CDH23: variants seen among roughly 807,000 people sequenced by gnomAD.
The protein encoded by CDH23 is cadherin related 23, also known as cadherin-23.
Under a neutral mutation model 317.1 loss-of-function variants are expected in CDH23, and 189 were observed. The observed-to-expected ratio is 0.60, with a 90% confidence interval of 0.53 to 0.67. The LOEUF (loss-of-function observed/expected upper bound fraction) is 0.67, where lower values mean the gene tolerates loss of function less well. Among genes scored for constraint, CDH23 ranks in the 30% least tolerant of loss-of-function variants. The pLI is 0.00. For synonymous variants in CDH23, 1,839 were observed against 1,876.8 expected, an observed-to-expected ratio of 0.98 and a Z score of 0.52; for missense variants, 4,401 against 4,592.4, an observed-to-expected ratio of 0.96 and a Z score of 1.20.
intron 3 of CDH23, among the ~76,000 whole-genome samples, chr10:71,453,496 C>T (rs763458481): frequency 3.3e-5 from 5 of 152,220 alleles, no homozygotes; most frequent in Non-Finnish European, 7.3e-5. Context: ...TCAGGAGTGA[C>T]GAGCATAGAT....
chr10:71,470,685 G>C (rs997221989), intron 3 of CDH23, among the ~76,000 whole-genome samples: 1 of 151,974 alleles, frequency 6.6e-6, no homozygotes, highest in African/African-American at 2.4e-5. Flanking sequence ...GATGGGTGGG[G>C]TCTTGCTGTG....
intron 1 of CDH23, among the ~76,000 whole-genome samples, chr10:71,432,070 A>C (rs1334300351): frequency 6.6e-6 from 1 of 152,194 alleles, no homozygotes; most frequent in Admixed American, 6.5e-5. Flanking sequence ...GAGCTTTGCA[A>C]GGAACCTGGC....
At chr10:71,559,483 G>T (rs1486984887) in intron 6 of CDH23, among the ~76,000 whole-genome samples, 1 of 152,234 alleles carries the variant, frequency 6.6e-6, no homozygotes, top group East Asian at 1.9e-4. Flanking sequence ...AGCTGGGAAA[G>T]AGGGGGAGGT....
intron 6 of CDH23, among the ~76,000 whole-genome samples, chr10:71,541,254 G>A (rs1007770102): frequency 3.9e-5 from 6 of 152,176 alleles, no homozygotes; most frequent in Non-Finnish European, 5.9e-5. Flanking sequence ...TGGATAAATA[G>A]CTGTGCTGTC....
intron 3 of CDH23, among the ~76,000 whole-genome samples, chr10:71,483,403 T>C (rs918645611): frequency 6.6e-6 from 1 of 152,200 alleles, no homozygotes; most frequent in Non-Finnish European, 1.5e-5. Flanking sequence ...GTGTTGGACA[T>C]TTTAACAACC....
intron 32 of CDH23, among the ~76,000 whole-genome samples, 184 bp from the exon 33 acceptor site, chr10:71,734,056 G>A (rs1046519666): frequency 6.6e-6 from 1 of 152,252 alleles, no homozygotes; most frequent in Non-Finnish European, 1.5e-5. Flanking sequence ...GAAGCAGGAA[G>A]GCTTCATGGA....
At chr10:71,784,823 T>C in intron 42 of CDH23, 68 bp from the exon 43 acceptor site, 1 of 1,342,290 alleles carries the variant, frequency 7.4e-7, no homozygotes, top group South Asian at 1.2e-5. Flanking sequence ...GCGAACCTCC[T>C]CCTCGGTTGC....
chr10:71,506,970 AG>A (rs1010958362), intron 3 of CDH23, among the ~76,000 whole-genome samples: 3 of 152,164 alleles, frequency 2.0e-5, no homozygotes, highest in African/African-American at 7.2e-5. Flanking sequence ...TGTCCTGCCC[AG>A]CGCCCCCCTT....
In CDH23 at chr10:71,724,104, T is replaced by A. The variant is rs773089340; in HGVS notation, c.3429T>A (p.His1143Gln). ...GGCGTGTGTGGTACCGCATCCTCCATGGTAAGTGGGGCTGCCCTAGGATGG... is the reference window on the plus strand; with the variant it reads ...GGCGTGTGTGGTACCGCATCCTCCAAGGTAAGTGGGGCTGCCCTAGGATGG... ...EFGRVWYRIL[H>Q]GNHGNNFRIH... The change falls in exon 29 of 70, where the codon CAT becomes CAA. Residue 1143 changes from histidine to glutamine, a missense_variant and splice_region_variant. His to Gln is a conservative substitution (Grantham distance 24). Transcript: ENST00000224721. The A allele has an allele frequency of 6.4e-7, 1 of 1,557,072 alleles. No homozygotes were observed. The highest frequency in any genetic ancestry group is 8.7e-7 in the Non-Finnish European group (1 of 1,149,936).
At chr10:71,779,672 G>A (rs559257831) in intron 41 of CDH23, among the ~76,000 whole-genome samples, 1 of 152,362 alleles carries the variant, frequency 6.6e-6, no homozygotes, top group East Asian at 1.9e-4. Flanking sequence ...AAGGGCTGGT[G>A]GCCTTGGAGG....
rs549903105 is a variant in CDH23 at position 71,709,661 on chromosome 10, A to C, written c.3220+450A>C. ...TTCAGCAATATGGGCTCACAAAACC[A>C]GTCCACTGGGAGATGTAACTCCCAG... On this transcript the variant is annotated intron_variant, in intron 27 of 69. Coordinates refer to ENST00000224721, the MANE Select transcript of CDH23 (RefSeq NM_022124.6). Among the ~76,000 whole-genome samples the C allele has an allele frequency of 1.5e-3, 231 of 152,314 alleles. 1 individual carries two copies. The highest frequency in any genetic ancestry group is 5.3e-3 in the African/African-American group (220 of 41,566).
intron 66 of CDH23, 88 bp downstream of exon 66, chr10:71,812,103 G>T: frequency 6.2e-7 from 1 of 1,608,566 alleles, no homozygotes; most frequent in Non-Finnish European, 8.5e-7. Flanking sequence ...CAGCGCTGGG[G>T]CTGCCGAAAC....
At chr10:71,489,934 T>G (rs1291786472) in intron 3 of CDH23, among the ~76,000 whole-genome samples, 1 of 152,092 alleles carries the variant, frequency 6.6e-6, no homozygotes, top group Non-Finnish European at 1.5e-5. Flanking sequence ...TTTTCTTTCT[T>G]TTTTTTAAAG....
intron 1 of CDH23, among the ~76,000 whole-genome samples, chr10:71,403,765 T>A (rs1187133106): frequency 1.1e-4 from 17 of 151,482 alleles, no homozygotes; most frequent in Admixed American, 1.1e-3. Context: ...TCTGCCCACC[T>A]CGGCCTCCCA....
intron 30 of CDH23, among the ~76,000 whole-genome samples, chr10:71,728,454 A>T (rs554743457): frequency 6.6e-5 from 10 of 152,180 alleles, no homozygotes; most frequent in African/African-American, 2.2e-4. Flanking sequence ...TCCACTGGTC[A>T]GGCTGCTGTT....
intron 38 of CDH23, among the ~76,000 whole-genome samples, chr10:71,759,489 A>C (rs1308612693): frequency 1.3e-5 from 2 of 151,574 alleles, no homozygotes; most frequent in Non-Finnish European, 2.9e-5. Flanking sequence ...CCTGAGTGAC[A>C]GAGAGAGAGT....
In CDH23 at chr10:71,690,499, C is replaced by T. The variant is rs373649363; in HGVS notation, c.2091C>T (p.Asp697=). Reference sequence around the variant, plus strand: ...CGGTGCTGTTCCTGAATGCCACAGACCTGGACCGCTCCCGGGAGTACGGCC... The same window carrying T: ...CGGTGCTGTTCCTGAATGCCACAGATCTGGACCGCTCCCGGGAGTACGGCC... ...GATVLFLNAT[D]LDRSREYGQE... is the part of the protein sequence containing the mutation. Residue 697 remains aspartate, a synonymous_variant, in exon 20 of 70, where the codon GAC becomes GAT. Coordinates refer to ENST00000224721, the MANE Select transcript of CDH23 (RefSeq NM_022124.6). 6.2e-7 allele frequency: 1 copy of T among 1,610,452 alleles called. No individual in the cohort carries two copies. Among genetic ancestry groups the T allele is most frequent in the African/African-American group, 1.3e-5 (1 of 74,840 alleles).
intron 22 of CDH23, among the ~76,000 whole-genome samples, chr10:71,698,260 C>T (rs1399018408): frequency 1.3e-5 from 2 of 152,094 alleles, no homozygotes; most frequent in Non-Finnish European, 2.9e-5. Flanking sequence ...AAATTATTTC[C>T]AATTTTATAG....
intron 17 of CDH23, among the ~76,000 whole-genome samples, chr10:71,682,093 G>T (rs1180103868): frequency 1.3e-5 from 2 of 152,176 alleles, no homozygotes. Context: ...CACCTACTAA[G>T]AAAGAGCCTG....
Sources: allele counts gnomAD v4.1 joint callset (sites outside exome capture counted in the v4.1 genomes callset), GRCh38; gene constraint gnomAD v4.1.1; transcripts MANE v1.5; gene names NCBI Gene and HGNC (gene_info 2026-07-23, HGNC 2026-07-21).